CLYBL: variants seen among roughly 807,000 people sequenced by gnomAD.
CLYBL encodes the protein citramalyl-CoA lyase.
A neutral mutation model predicts 38.9 loss-of-function variants in CLYBL; 31 were observed. The observed-to-expected ratio is 0.80, with a 90% CI of 0.60 to 1.08. The LOEUF is 1.08. CLYBL is among the 50% of genes least tolerant of loss of function. The probability of loss-of-function intolerance (pLI) is 0.00; values close to 1 mark genes in which losing one functional copy is unlikely to be tolerated. For synonymous variants in CLYBL, 171 were observed against 158.6 expected, an observed-to-expected ratio of 1.08 and a Z score of -0.59; for missense variants, 434 against 411.6, an observed-to-expected ratio of 1.05 and a Z score of -0.47.
At chr13:99,826,482 T>C (rs949572989) in intron 2 of CLYBL, among the ~76,000 whole-genome samples, 2 of 152,222 alleles carry the variant, frequency 1.3e-5, no homozygotes, top group African/African-American at 4.8e-5. Context: ...CCCTGACTGA[T>C]ACAGCTGCTC....
At chr13:99,628,489 A>T (rs369101631) in intron 1 of CLYBL, among the ~76,000 whole-genome samples, 3 of 152,358 alleles carry the variant, frequency 2.0e-5, no homozygotes, top group African/African-American at 7.2e-5. Flanking sequence ...ACATGGCCTC[A>T]TCCTTTCCCT....
In CLYBL at chr13:99,875,467, G is replaced by A. The variant is rs371358878; in HGVS notation, c.927+4405G>A. On this transcript the variant is annotated intron_variant, in intron 7 of 8. Transcript: ENST00000339105. ...TTTCATAGGTGTCTGATTGCTGCTC[G>A]CACACCTTTCATTTCTGTTTCCAAA... Among the ~76,000 whole-genome samples the A allele has an allele frequency of 7.2e-5, 11 of 152,174 alleles. No individual in the cohort carries two copies. The South Asian group carries it at 1.7e-3, about 23-fold the overall frequency.
chr13:99,877,651 C>T (rs1594240622), intron 7 of CLYBL: 1 of 321,124 alleles, frequency 3.1e-6, no homozygotes, highest in South Asian at 2.4e-5. Context: ...ATCTCGGCTC[C>T]CTGCAACCTC....
intron 2 of CLYBL, among the ~76,000 whole-genome samples, chr13:99,788,424 T>C (rs1176434853): frequency 1.3e-5 from 2 of 152,244 alleles, no homozygotes; most frequent in South Asian, 4.1e-4. Flanking sequence ...TGTTGAATTT[T>C]GTCAAAGGCC....
intron 2 of CLYBL, among the ~76,000 whole-genome samples, chr13:99,840,905 C>T (rs756804771): frequency 4.0e-5 from 6 of 151,882 alleles, no homozygotes; most frequent in Non-Finnish European, 8.8e-5. Context: ...TCAGCTTACA[C>T]GCAGTCCAGA....
chr13:99,659,060 A>G (rs77029082), intron 1 of CLYBL, among the ~76,000 whole-genome samples: 5,531 of 152,258 alleles, frequency 0.036, 354 homozygotes, highest in African/African-American at 0.13. Context: ...CTAACTTTAT[A>G]TCACATCTGT....
At chr13:99,872,463 G>A (rs1415836981) in intron 7 of CLYBL, among the ~76,000 whole-genome samples, 3 of 152,166 alleles carry the variant, frequency 2.0e-5, no homozygotes, top group Non-Finnish European at 4.4e-5. Context: ...AAGAGCCACG[G>A]ACTCTCATTC....
At chr13:99,770,902 A>G (rs968181926) in intron 1 of CLYBL, among the ~76,000 whole-genome samples, 1 of 149,526 alleles carries the variant, frequency 6.7e-6, no homozygotes, top group African/African-American at 2.5e-5. Context: ...TTGTGTTTTT[A>G]GTAGAGATGG....
rs76321686 is a variant in CLYBL, at chr13:99,859,076, A to G, written c.438+27A>G. 4.6e-3 allele frequency: 7,290 copies of G among 1,582,572 alleles called. 282 individuals carry two copies. The African/African-American group carries it at 0.083, about 18-fold the overall frequency. ...TGAGTAGCTAATGCTTTGCCTTAAG[A>G]CTCAGGAGCAGCTAAGGAGGAGTAG... On this transcript the variant is annotated intron_variant, in intron 3 of 8. Coordinates refer to ENST00000339105, the MANE Select transcript of CLYBL (RefSeq NM_206808.5).
At chr13:99,704,796 G>A (rs2048120958) in intron 1 of CLYBL, among the ~76,000 whole-genome samples, 1 of 152,158 alleles carries the variant, frequency 6.6e-6, no homozygotes, top group South Asian at 2.1e-4. Flanking sequence ...TAAATACTTT[G>A]TTGTCAGCAG....
intron 2 of CLYBL, among the ~76,000 whole-genome samples, chr13:99,817,654 C>CAAAAA (rs1189248896): frequency 2.3e-4 from 11 of 48,558 alleles, no homozygotes; most frequent in South Asian, 8.5e-4. Flanking sequence ...GACTCTGTCT[C>CAAAAA]AAAAAAAAAA....
At position 99,608,847 on chromosome 13, in the gene CLYBL, CTTTTTTTTTTTTTTT is replaced by C. The variant is rs57961216; in HGVS notation, c.62+2105_62+2119del. Among the ~76,000 whole-genome samples the C allele has an allele frequency of 1.3e-3, 115 of 87,874 alleles. 1 individual carries two copies. Among genetic ancestry groups the C allele is most frequent in the Middle Eastern group, 5.7e-3 (1 of 176 alleles). The allele number at this position is 87,874 out of a possible 152,430, so 57.6% of individuals were successfully genotyped here. On this transcript the variant is annotated intron_variant, in intron 1 of 8. Transcript: ENST00000339105. The stretch of plus-strand genomic sequence containing the variant: ...TTAGGGTTCTATGTAAGTGATGAGT[CTTTTTTTTTTTTTTT>C]TTTTTTTTTTTTTTGCTTGATTTTC...
intron 1 of CLYBL, among the ~76,000 whole-genome samples, chr13:99,646,249 TA>T (rs2139286324): frequency 6.6e-6 from 1 of 152,320 alleles, no homozygotes; most frequent in East Asian, 1.9e-4. Context: ...AATCTACTTG[TA>T]CCTTAAGCAG....
At chr13:99,800,462 A>AG (rs2050109496) in intron 2 of CLYBL, among the ~76,000 whole-genome samples, 1 of 152,182 alleles carries the variant, frequency 6.6e-6, no homozygotes, top group Non-Finnish European at 1.5e-5. Context: ...CAGATCTGAG[A>AG]GGTGGAGAGA....
chr13:99,790,854 A>T (rs1485968508), intron 2 of CLYBL, among the ~76,000 whole-genome samples: 5 of 152,080 alleles, frequency 3.3e-5, no homozygotes, highest in Non-Finnish European at 7.3e-5. Context: ...CCTGTTTTCT[A>T]CATCCTATGA....
At chr13:99,887,651 G>A (rs544888851) in intron 7 of CLYBL, among the ~76,000 whole-genome samples, 2 of 152,312 alleles carry the variant, frequency 1.3e-5, no homozygotes, top group Admixed American at 1.3e-4. Flanking sequence ...CACATGGGAG[G>A]CTGAGGCAGG....
rs1379828628 is a variant in CLYBL at position 99,849,830 on chromosome 13, GC to G, written c.250-9029del. ...CAGCACCAGCCAGTTGCCAGTCAGG[GC>G]CAGGGCAAGGCAGCCAAGGAGGCAG... On this transcript the variant is annotated intron_variant, in intron 2 of 8. Coordinates refer to ENST00000339105, the MANE Select transcript of CLYBL (RefSeq NM_206808.5). The surrounding 1 kb of genome is among the most constrained non-coding windows in gnomAD (Gnocchi z 4.9). 6.6e-6 allele frequency among the ~76,000 whole-genome samples: 1 copy of G among 152,212 alleles called. No individual in the cohort carries two copies. The highest frequency in any genetic ancestry group is 2.4e-5 in the African/African-American group (1 of 41,448).
chr13:99,767,148 G>C (rs559891807), intron 1 of CLYBL, among the ~76,000 whole-genome samples: 1 of 152,190 alleles, frequency 6.6e-6, no homozygotes, highest in African/African-American at 2.4e-5. Flanking sequence ...AAATGTTTTT[G>C]CATGCCTGGT....
chr13:99,834,954 C>T (rs1401417938), intron 2 of CLYBL, among the ~76,000 whole-genome samples: 1 of 152,216 alleles, frequency 6.6e-6, no homozygotes, highest in Non-Finnish European at 1.5e-5. Context: ...CACTTACCCC[C>T]AAATTCTACC....
Sources: gnomAD v4.1 joint callset for allele counts (sites outside exome capture counted in the v4.1 genomes callset) on GRCh38, gnomAD v4.1.1 for gene constraint, Gnocchi (gnomAD v3.1) non-coding constraint, MANE v1.5 for transcripts, NCBI Gene and HGNC (gene_info 2026-07-23, HGNC 2026-07-21) for gene names.